Variants in CFAP46 observed in about 807,000 individuals in gnomAD.
CFAP46 encodes cilia- and flagella-associated protein 46.
A neutral mutation model predicts 325.7 loss-of-function variants in CFAP46; 245 were observed. The observed-to-expected ratio is 0.75, with a 90% confidence interval of 0.68 to 0.84. The LOEUF (loss-of-function observed/expected upper bound fraction) is 0.84. CFAP46 is among the 40% of genes least tolerant of loss of function. The pLI, the probability that CFAP46 is intolerant of heterozygous loss-of-function variation, is 0.00. For synonymous variants in CFAP46, 1,523 were observed against 1,495.9 expected, an observed-to-expected ratio of 1.02 and a Z score of -0.42; for missense variants, 3,346 against 3,543.0, an observed-to-expected ratio of 0.94 and a Z score of 1.41.
At chr10:132,916,420 G>C (rs1483110283) in intron 17 of CFAP46, 129 bp downstream of exon 17, 1 of 999,040 alleles carries the variant, frequency 1.0e-6, no homozygotes, top group Non-Finnish European at 1.4e-6. Flanking sequence ...CGATGGACAC[G>C]TCCCCCACGC....
chr10:132,904,471 C>T (rs929095694), intron 22 of CFAP46, among the ~76,000 whole-genome samples: 5 of 152,272 alleles, frequency 3.3e-5, no homozygotes, highest in Non-Finnish European at 5.9e-5. Flanking sequence ...AAAGTCTTAA[C>T]GTGGAAATCC....
In CFAP46 at chr10:132,920,108, T is replaced by A. The variant is rs1384385313; in HGVS notation, c.1681A>T (p.Lys561Ter). 3.9e-6 allele frequency: 6 copies of A among 1,549,168 alleles called. No homozygotes were observed. The African/African-American group carries it at 8.2e-5, about 21-fold the overall frequency. ...AGGCGCCGCAGGTGCCCGGCAGCTT[T>A]GTCCACGCTGACGGTGTGGTGCCAC... ...KAWHHTVSVDKAAGHLRRLGN... is the reference protein window; with the variant it reads ...KAWHHTVSVD The change falls in exon 14 of 58, where the codon AAA becomes TAA. Residue 561 changes from lysine (K) to a stop codon, truncating the protein, a stop_gained. Coordinates refer to ENST00000368586, the MANE Select transcript of CFAP46 (RefSeq NM_001200049.3). LOFTEE classifies it high-confidence loss of function.
chr10:132,878,940 T>C (rs931079880), intron 29 of CFAP46, among the ~76,000 whole-genome samples: 10 of 151,684 alleles, frequency 6.6e-5, no homozygotes, highest in African/African-American at 2.4e-4. Context: ...GGAGAGGTGG[T>C]AGGAGGAGCA....
chr10:132,915,356 GGCTCCTCACA>G (rs1005337387), intron 17 of CFAP46, among the ~76,000 whole-genome samples: 3 of 152,240 alleles, frequency 2.0e-5, no homozygotes, highest in Non-Finnish European at 4.4e-5. Context: ...TGGGCCCGGT[GGCTCCTCACA>G]GAGCCCGGAG....
At chr10:132,880,164 G>A (rs577657097) in intron 28 of CFAP46, among the ~76,000 whole-genome samples, 56 of 152,238 alleles carry the variant, frequency 3.7e-4, no homozygotes, top group African/African-American at 1.2e-3. Flanking sequence ...GGGCTCTGCC[G>A]GCCTCTGCTC....
In CFAP46 at chr10:132,884,005, A is replaced by G. The variant is rs529939824; in HGVS notation, c.3627+1098T>C. ...TTACTAAAAACATGTTGTACCTCTA[A>G]CAAAGACAACTGAAGGAAGGACTCG... On this transcript the variant is annotated intron_variant, in intron 27 of 57. Coordinates refer to ENST00000368586, the MANE Select transcript of CFAP46 (RefSeq NM_001200049.3). The surrounding 1 kb of genome is among the most constrained non-coding windows in gnomAD (Gnocchi z 5.4). Among the ~76,000 whole-genome samples the G allele has an allele frequency of 2.0e-5, 3 of 152,200 alleles. No homozygotes were observed. The highest frequency in any genetic ancestry group is 4.4e-5 in the Non-Finnish European group (3 of 68,016).
chr10:132,877,017 A>C lies in CFAP46; in HGVS notation c.4213-56T>G, dbSNP rs1591066945. The C allele has an allele frequency of 6.6e-7, 1 of 1,511,848 alleles. No individual in the cohort carries two copies. The allele number at this position is 1,511,848 out of a possible 1,614,324, so 93.7% of individuals were successfully genotyped here. On this transcript the variant is annotated intron_variant, in intron 30 of 57. Transcript: ENST00000368586. The surrounding 1 kb of genome is among the most constrained non-coding windows in gnomAD (Gnocchi z 5.7). The stretch of plus-strand genomic sequence containing the variant: ...AAACGGTGGAGGTGAAACAGCAGAC[A>C]CCCCCGGCCCACCGGCATGGCTGTG...
chr10:132,903,702 G>A (rs1849420054), intron 22 of CFAP46, among the ~76,000 whole-genome samples: 1 of 152,092 alleles, frequency 6.6e-6, no homozygotes, highest in African/African-American at 2.4e-5. Context: ...TTCAAGGCCG[G>A]AACTAGGTGA....
intron 45 of CFAP46, among the ~76,000 whole-genome samples, chr10:132,836,483 G>C (rs1423727326): frequency 6.6e-6 from 1 of 152,232 alleles, no homozygotes; most frequent in Admixed American, 6.5e-5. Flanking sequence ...GGCACCGCCG[G>C]CTGGCTCCAG....
At chr10:132,814,537 C>T in intron 53 of CFAP46, 40 bp downstream of exon 53, 1 of 1,549,374 alleles carries the variant, frequency 6.5e-7, no homozygotes, top group Non-Finnish European at 8.7e-7. Context: ...AGGCCCGAGG[C>T]TGGCGTGTGC....
chr10:132,879,299 T>C lies in CFAP46; in HGVS notation c.4005+127A>G, dbSNP rs142798273. On this transcript the variant is annotated intron_variant, in intron 29 of 57. Transcript: ENST00000368586. ...TGGATGTCGCAGGAAATTGCTCACA[T>C]CTCAAAGGTCTTTAGGAAATGCTGG... 0.013 allele frequency: 12,054 copies of C among 947,478 alleles called. 164 individuals carry two copies. The highest frequency in any genetic ancestry group is 0.058 in the Middle Eastern group (169 of 2,926). The allele number at this position is 947,478 out of a possible 1,614,324, so 58.7% of individuals were successfully genotyped here.
At chr10:132,898,662 AG>A in intron 24 of CFAP46, 1 of 455,082 alleles carries the variant, frequency 2.2e-6, no homozygotes, top group Non-Finnish European at 4.1e-6. Flanking sequence ...AAGCCTCTTA[AG>A]GCAGGGACTG....
chr10:132,937,907 G>T (rs4880290), intron 5 of CFAP46, among the ~76,000 whole-genome samples: 57,935 of 152,018 alleles, frequency 0.38, 11,255 homozygotes, highest in Admixed American at 0.49. Flanking sequence ...GATCTGTATT[G>T]ATATTCTTCA....
chr10:132,908,260 C>G (rs546830406), intron 22 of CFAP46: 267 of 583,596 alleles, frequency 4.6e-4, no homozygotes, highest in Middle Eastern at 9.6e-4. Flanking sequence ...CTGTGATCGC[C>G]GCCCAGGCCC....
chr10:132,908,712 C>T (rs577541523), intron 21 of CFAP46, 78 bp from the exon 22 acceptor site: 74 of 1,440,370 alleles, frequency 5.1e-5, no homozygotes, highest in African/African-American at 8.6e-5. Flanking sequence ...CCACGGACCA[C>T]GCAGCGCATG....
chr10:132,925,984 C>G (rs1055596861), intron 10 of CFAP46, among the ~76,000 whole-genome samples: 2 of 152,194 alleles, frequency 1.3e-5, no homozygotes, highest in African/African-American at 2.4e-5. Context: ...AGGCCACCAT[C>G]CTGTGAGGTT....
chr10:132,834,867 C>A, intron 47 of CFAP46, 92 bp from the exon 48 acceptor site: 1 of 1,461,442 alleles, frequency 6.8e-7, no homozygotes, highest in South Asian at 1.4e-5. Context: ...GGCCGAGCTC[C>A]TGCCCCTTCT....
chr10:132,882,126 TGGGGTGTGA>T, intron 27 of CFAP46, among the ~76,000 whole-genome samples: 1 of 139,502 alleles, frequency 7.2e-6, no homozygotes, highest in South Asian at 2.5e-4. Context: ...GTATGGGATG[TGGGGTGTGA>T]GTGGTGTGTG....
chr10:132,924,554 A>T, intron 11 of CFAP46, 142 bp downstream of exon 11: 2 of 760,210 alleles, frequency 2.6e-6, no homozygotes, highest in Non-Finnish European at 3.7e-6. Flanking sequence ...GCTGGGACAG[A>T]GGGTGGCCCT....
Sources: gnomAD v4.1 joint callset for allele counts (sites outside exome capture counted in the v4.1 genomes callset) on GRCh38, gnomAD v4.1.1 for gene constraint, Gnocchi (gnomAD v3.1) non-coding constraint, MANE v1.5 for transcripts, NCBI Gene and HGNC (gene_info 2026-07-23, HGNC 2026-07-21) for gene names.